PTPRD: variants seen among roughly 807,000 people sequenced by gnomAD.
PTPRD encodes receptor-type tyrosine-protein phosphatase delta.
PTPRD carries 34 observed loss-of-function variants against 214.5 expected under a neutral mutation model. The ratio of observed to expected loss-of-function variants is 0.16; its 90% CI spans 0.12 to 0.21. The LOEUF (loss-of-function observed/expected upper bound fraction) is 0.21, where lower values mean the gene tolerates loss of function less well. PTPRD is among the 10% of genes least tolerant of loss of function. The pLI is 1.00. For synonymous variants in PTPRD, 1,128 were observed against 845.7 expected, an observed-to-expected ratio of 1.33 and a Z score of -5.79; for missense variants, 2,545 against 2,398.7, an observed-to-expected ratio of 1.06 and a Z score of -1.27.
chr9:8,480,080 CTT>C (rs2096848203), intron 30 of PTPRD, among the ~76,000 whole-genome samples: 1 of 152,158 alleles, frequency 6.6e-6, no homozygotes, highest in Non-Finnish European at 1.5e-5. Flanking sequence ...TAAGGTAGGA[CTT>C]AATCTCAGTC....
intron 9 of PTPRD, among the ~76,000 whole-genome samples, chr9:9,356,992 A>T (rs1596314223): frequency 6.6e-6 from 1 of 151,324 alleles, no homozygotes; most frequent in East Asian, 1.9e-4. Context: ...TAAAGCATCC[A>T]AGGGGGATTT....
intron 9 of PTPRD, among the ~76,000 whole-genome samples, chr9:9,219,152 A>G (rs1418297314): frequency 1.3e-5 from 2 of 152,266 alleles, no homozygotes; most frequent in African/African-American, 4.8e-5. Flanking sequence ...AGATATTTAA[A>G]TATTGGAAAA....
At chr9:8,526,199 C>A (rs896994507) in intron 17 of PTPRD, among the ~76,000 whole-genome samples, 2 of 115,446 alleles carry the variant, frequency 1.7e-5, no homozygotes, top group Admixed American at 1.0e-4. Flanking sequence ...TGGTCCAGAA[C>A]AAGAACAGCT....
At chr9:8,389,136 T>G (rs2135618331) in intron 37 of PTPRD, 96 bp downstream of exon 37, 2 of 1,084,486 alleles carry the variant, frequency 1.8e-6, no homozygotes, top group African/African-American at 1.6e-5. Flanking sequence ...AAGATAAGCC[T>G]TAGGGAAAGG....
At chr9:8,407,746 G>A (rs987060010) in intron 35 of PTPRD, among the ~76,000 whole-genome samples, 5 of 152,108 alleles carry the variant, frequency 3.3e-5, no homozygotes, top group Admixed American at 6.5e-5. Flanking sequence ...GTTTATACTC[G>A]TTTTACACGG....
intron 3 of PTPRD, among the ~76,000 whole-genome samples, chr9:10,097,921 G>A (rs1402446519): frequency 6.6e-6 from 1 of 151,772 alleles, no homozygotes; most frequent in African/African-American, 2.4e-5. Flanking sequence ...CAACCATTGT[G>A]GAAGTCGGTG....
chr9:10,036,098 A>G (rs1320573681), intron 3 of PTPRD, among the ~76,000 whole-genome samples: 3 of 152,196 alleles, frequency 2.0e-5, no homozygotes, highest in Non-Finnish European at 2.9e-5. Flanking sequence ...ACTGATACTT[A>G]TACTGCATAT....
intron 3 of PTPRD, among the ~76,000 whole-genome samples, chr9:10,289,925 T>C (rs74629396): frequency 0.025 from 3,825 of 152,114 alleles, 179 homozygotes; most frequent in African/African-American, 0.087. Flanking sequence ...TGAGGAGCGG[T>C]AGGGTAAAAA....
chr9:8,775,656 C>G (rs2381901), intron 11 of PTPRD, among the ~76,000 whole-genome samples: 108,227 of 152,074 alleles, frequency 0.71, 38,552 homozygotes, highest in Middle Eastern at 0.81. Flanking sequence ...GCATGATGCT[C>G]TGTTATCTCA....
chr9:9,915,532 A>T (rs759770355), intron 5 of PTPRD, among the ~76,000 whole-genome samples: 12 of 151,920 alleles, frequency 7.9e-5, no homozygotes, highest in Non-Finnish European at 1.6e-4. Flanking sequence ...AAAGAGATAG[A>T]TATCATTAAA....
chr9:8,405,064 G>A (rs548420263), intron 35 of PTPRD, among the ~76,000 whole-genome samples: 30 of 152,110 alleles, frequency 2.0e-4, no homozygotes, highest in Non-Finnish European at 4.1e-4. Flanking sequence ...GACCTAAGCT[G>A]AGTCTTTAAG....
At chr9:8,716,946 G>T (rs914013737) in intron 12 of PTPRD, among the ~76,000 whole-genome samples, 1 of 152,076 alleles carries the variant, frequency 6.6e-6, no homozygotes, top group Non-Finnish European at 1.5e-5. Flanking sequence ...GGAGCAAATA[G>T]CTTAAGCCCA....
chr9:8,502,983 A>G (rs1460490160), intron 23 of PTPRD, among the ~76,000 whole-genome samples: 9 of 151,960 alleles, frequency 5.9e-5, no homozygotes, highest in Non-Finnish European at 4.4e-5. Flanking sequence ...CTACAATACT[A>G]TTTATTAGCC....
chr9:8,767,318 TG>T (rs2094833452), intron 11 of PTPRD, among the ~76,000 whole-genome samples: 1 of 152,038 alleles, frequency 6.6e-6, no homozygotes, highest in South Asian at 2.1e-4. Flanking sequence ...GGGTTCACCA[TG>T]TTGGCCAGGC....
intron 9 of PTPRD, among the ~76,000 whole-genome samples, chr9:9,262,380 T>A (rs942565619): frequency 2.6e-5 from 4 of 151,178 alleles, no homozygotes; most frequent in Non-Finnish European, 4.4e-5. Context: ...ATTAATGTAA[T>A]GTTTACATGC....
intron 7 of PTPRD, among the ~76,000 whole-genome samples, chr9:9,685,936 TCTTA>T (rs1311392881): frequency 2.6e-5 from 4 of 151,384 alleles, no homozygotes; most frequent in Non-Finnish European, 4.4e-5. Flanking sequence ...AAATATTATC[TCTTA>T]ATTTTAAATA....
At chr9:9,839,108 G>T (rs922963628) in intron 5 of PTPRD, among the ~76,000 whole-genome samples, 5 of 151,956 alleles carry the variant, frequency 3.3e-5, no homozygotes, top group African/African-American at 7.3e-5. Flanking sequence ...AGGGCTCTGT[G>T]CTGTTCCATT....
chr9:10,331,614 A>G (rs913277507), intron 3 of PTPRD, among the ~76,000 whole-genome samples: 1 of 151,820 alleles, frequency 6.6e-6, no homozygotes, highest in Non-Finnish European at 1.5e-5. Flanking sequence ...CTATGCTTCT[A>G]GAATCCTGTG....
chr9:9,146,387 A>T (rs2099868633), intron 10 of PTPRD, among the ~76,000 whole-genome samples: 1 of 152,046 alleles, frequency 6.6e-6, no homozygotes, highest in Non-Finnish European at 1.5e-5. Context: ...TAAATGCAAA[A>T]TTTGGGGCCC....
Sources: allele counts gnomAD v4.1 joint callset (sites outside exome capture counted in the v4.1 genomes callset), GRCh38; gene constraint gnomAD v4.1.1; transcripts MANE v1.5; gene names NCBI Gene and HGNC (gene_info 2026-07-23, HGNC 2026-07-21).